The following SUMF1 variants were observed in gnomAD, a reference collection of about 807,000 sequenced individuals.
SUMF1 encodes formylglycine-generating enzyme.
SUMF1 carries 48 observed loss-of-function variants against 47.6 expected under a neutral mutation model. The ratio of observed to expected loss-of-function variants is 1.01; its 90% CI spans 0.80 to 1.28. The LOEUF (loss-of-function observed/expected upper bound fraction) is 1.28, where lower values mean the gene tolerates loss of function less well. SUMF1 is among the 50% of genes most tolerant of loss of function. SUMF1 has a pLI of 0.00. For missense variants in SUMF1, 571 were observed against 485.4 expected, an observed-to-expected ratio of 1.18 and a Z score of -1.66; for synonymous variants, 230 against 192.1, an observed-to-expected ratio of 1.20 and a Z score of -1.63.
intron 8 of SUMF1, among the ~76,000 whole-genome samples, chr3:4,169,163 T>A (rs537605121): frequency 9.9e-5 from 15 of 152,194 alleles, no homozygotes; most frequent in Non-Finnish European, 1.9e-4. Context: ...GCTGGCAAAT[T>A]CACATGTGAA....
At chr3:4,206,820 A>T (rs1843301) in intron 8 of SUMF1, among the ~76,000 whole-genome samples, 7,169 of 150,954 alleles carry the variant, frequency 0.047, 451 homozygotes, top group East Asian at 0.17. Context: ...TTTTTTTTTT[A>T]AATTTTGTTT....
chr3:4,167,414 GCTGATTGGT>G, intron 8 of SUMF1, among the ~76,000 whole-genome samples: 1 of 152,096 alleles, frequency 6.6e-6, no homozygotes, highest in Admixed American at 6.5e-5. Flanking sequence ...TTTATAAAGT[GCTGATTGGT>G]CCATTTTACA....
intron 8 of SUMF1, among the ~76,000 whole-genome samples, chr3:4,321,815 G>A (rs1346048043): frequency 6.6e-6 from 1 of 152,120 alleles, no homozygotes; most frequent in African/African-American, 2.4e-5. Flanking sequence ...CCCAAAGAGT[G>A]TAGAATGGAA....
chr3:4,427,312 A>G (rs1702099609), intron 3 of SUMF1, among the ~76,000 whole-genome samples: 1 of 152,094 alleles, frequency 6.6e-6, no homozygotes, highest in South Asian at 2.1e-4. Flanking sequence ...TATAAAAACA[A>G]CCCGGGAGAA....
intron 8 of SUMF1, among the ~76,000 whole-genome samples, chr3:4,118,427 G>GA (rs1464987488): frequency 1.3e-5 from 2 of 151,870 alleles, no homozygotes; most frequent in Non-Finnish European, 2.9e-5. Flanking sequence ...AAAAAAATAA[G>GA]AAAATCAGAG....
chr3:4,321,834 G>A (rs1698842893), intron 8 of SUMF1, among the ~76,000 whole-genome samples: 1 of 152,102 alleles, frequency 6.6e-6, no homozygotes, highest in African/African-American at 2.4e-5. Flanking sequence ...AAAGTTGAGG[G>A]TGGAGGAAAG....
chr3:4,076,485 T>C (rs554296534), intron 8 of SUMF1, among the ~76,000 whole-genome samples: 4 of 151,974 alleles, frequency 2.6e-5, no homozygotes, highest in Admixed American at 1.3e-4. Flanking sequence ...AAAGCCAAAA[T>C]AGACAAGTTG....
At chr3:4,138,570 C>G (rs2675207) in intron 8 of SUMF1, among the ~76,000 whole-genome samples, 38,883 of 151,938 alleles carry the variant, frequency 0.26, 5,821 homozygotes, top group East Asian at 0.4. Context: ...AAAACCAAAG[C>G]TCAGTGAGCT....
At chr3:4,436,254 G>C (rs772030595) in intron 3 of SUMF1, among the ~76,000 whole-genome samples, 5 of 152,168 alleles carry the variant, frequency 3.3e-5, no homozygotes, top group Non-Finnish European at 7.3e-5. Context: ...TGGGGTAGTA[G>C]AGTCTATATG....
At chr3:4,343,189 G>A (rs934942616) in intron 8 of SUMF1, among the ~76,000 whole-genome samples, 2 of 152,202 alleles carry the variant, frequency 1.3e-5, no homozygotes, top group African/African-American at 4.8e-5. Flanking sequence ...GATGAGACTG[G>A]ATAATACATA....
chr3:4,455,998 AACAGCAC>A (rs963013284), intron 1 of SUMF1, among the ~76,000 whole-genome samples: 1 of 152,228 alleles, frequency 6.6e-6, no homozygotes, highest in African/African-American at 2.4e-5. Context: ...AAGTGAATTC[AACAGCAC>A]ATTAAAGGGA....
chr3:4,368,498 A>G (rs1259807368), intron 8 of SUMF1, among the ~76,000 whole-genome samples: 1 of 152,100 alleles, frequency 6.6e-6, no homozygotes, highest in East Asian at 1.9e-4. Flanking sequence ...TATATACCCA[A>G]AGGACTATAA....
chr3:4,444,071 AT>A (rs1702698060), intron 3 of SUMF1, among the ~76,000 whole-genome samples: 1 of 152,188 alleles, frequency 6.6e-6, no homozygotes, highest in Non-Finnish European at 1.5e-5. Flanking sequence ...ATCGTTGGGT[AT>A]TCAGGCAAAA....
intron 8 of SUMF1, among the ~76,000 whole-genome samples, chr3:4,071,584 T>A (rs530432285): frequency 6.6e-6 from 1 of 152,076 alleles, no homozygotes; most frequent in African/African-American, 2.4e-5. Flanking sequence ...AGCGCAGGAG[T>A]CTGAGACGAC....
At chr3:4,116,164 G>T (rs367549885) in intron 8 of SUMF1, among the ~76,000 whole-genome samples, 1 of 152,076 alleles carries the variant, frequency 6.6e-6, no homozygotes, top group African/African-American at 2.4e-5. Flanking sequence ...GACACAAAGA[G>T]GTTGTGTGAC....
intron 8 of SUMF1, among the ~76,000 whole-genome samples, chr3:4,220,900 A>T (rs1054729816): frequency 6.6e-6 from 1 of 152,138 alleles, no homozygotes; most frequent in Admixed American, 6.6e-5. Context: ...TACTTGGTTC[A>T]TTTGAGTTCA....
intron 7 of SUMF1, among the ~76,000 whole-genome samples, chr3:4,391,795 T>C (rs1210477083): frequency 6.6e-6 from 1 of 151,840 alleles, no homozygotes. Flanking sequence ...CTCTGCTCAT[T>C]GGTTTGGATA....
At chr3:4,380,051 AAC>A (rs1326814431) in intron 7 of SUMF1, among the ~76,000 whole-genome samples, 1 of 152,152 alleles carries the variant, frequency 6.6e-6, no homozygotes, top group Non-Finnish European at 1.5e-5. Flanking sequence ...GTGGTGTTTA[AAC>A]ACCTCATCTG....
intron 8 of SUMF1, among the ~76,000 whole-genome samples, chr3:4,316,046 C>CA (rs774059331): frequency 0.014 from 1,067 of 76,306 alleles, 12 homozygotes; most frequent in East Asian, 0.054. Flanking sequence ...GACTCTGTCT[C>CA]AAAAAAAAAA....
Sources: gnomAD v4.1 joint callset for allele counts (sites outside exome capture counted in the v4.1 genomes callset) on GRCh38, gnomAD v4.1.1 for gene constraint, MANE v1.5 for transcripts, NCBI Gene and HGNC (gene_info 2026-07-23, HGNC 2026-07-21) for gene names.